CAMK4: variants seen among roughly 807,000 people sequenced by gnomAD.
CAMK4 encodes the protein calcium/calmodulin-dependent protein kinase type IV.
CAMK4 carries 22 observed loss-of-function variants against 44.9 expected under a neutral mutation model. The observed-to-expected ratio is 0.49, with a 90% CI of 0.35 to 0.70. CAMK4 has a LOEUF of 0.70. Ranked by LOEUF, CAMK4 falls within the 30% of genes least tolerant of loss-of-function variation. The pLI is 0.01. For synonymous variants in CAMK4, 218 were observed against 215.4 expected (o/e 1.01, Z -0.11); for missense variants, 498 against 586.8 (o/e 0.85, Z 1.56).
chr5:111,403,825 G>T (rs1266045376), intron 5 of CAMK4, among the ~76,000 whole-genome samples: 2 of 152,098 alleles, frequency 1.3e-5, no homozygotes, highest in African/African-American at 4.8e-5. Flanking sequence ...TAATGATAAT[G>T]ATATCAAAAT....
intron 1 of CAMK4, chr5:111,302,282 C>G (rs1747753941): frequency 6.5e-6 from 1 of 154,248 alleles, no homozygotes; most frequent in African/African-American, 2.4e-5. Flanking sequence ...CTACAGCTCC[C>G]AGCGTGAGCG....
At chr5:111,315,431 A>G (rs528609887) in intron 1 of CAMK4, among the ~76,000 whole-genome samples, 1 of 152,262 alleles carries the variant, frequency 6.6e-6, no homozygotes, top group South Asian at 2.1e-4. Flanking sequence ...TGTCTCCCTG[A>G]TTAGGTTAGT....
At chr5:111,397,135 G>C (rs1752042958) in intron 5 of CAMK4, among the ~76,000 whole-genome samples, 1 of 152,180 alleles carries the variant, frequency 6.6e-6, no homozygotes, top group African/African-American at 2.4e-5. Context: ...CACTTTACCT[G>C]AATCAGTCAG....
intron 1 of CAMK4, among the ~76,000 whole-genome samples, chr5:111,323,649 G>C (rs1476099648): frequency 3.3e-5 from 5 of 151,970 alleles, no homozygotes; most frequent in African/African-American, 1.2e-4. Flanking sequence ...TCCCAGAATT[G>C]TATATCTTGT....
chr5:111,228,103 C>T (rs1296762737), intron 1 of CAMK4, among the ~76,000 whole-genome samples: 2 of 152,154 alleles, frequency 1.3e-5, no homozygotes, highest in African/African-American at 4.8e-5. Flanking sequence ...GTCCTGTTTT[C>T]AGTTGTCTCA....
intron 2 of CAMK4, among the ~76,000 whole-genome samples, chr5:111,351,455 G>C (rs941256297): frequency 6.6e-6 from 1 of 150,980 alleles, no homozygotes; most frequent in Admixed American, 6.6e-5. Context: ...GTACATGCTG[G>C]AGTGTGATGG....
In CAMK4 at chr5:111,493,526, C is replaced by A. The variant is rs1019850280; in HGVS notation, c.*9060C>A. On this transcript the variant is annotated 3_prime_UTR_variant, in exon 11 of 11. Transcript: ENST00000282356. This position sits in a 1 kb window ranked among gnomAD's most constrained non-coding sequence, Gnocchi z 4.1. ...CAGTTATTTGACCTGAATAGGCAAT[C>A]CCCCAGGATTTCTGATTGAATTCTA... 1.3e-5 allele frequency: 2 copies of A among 152,146 alleles called. No homozygotes were observed. The highest frequency in any genetic ancestry group is 2.9e-5 in the Non-Finnish European group (2 of 68,018). The allele number at this position is 152,146 out of a possible 1,614,324, so 9.4% of individuals were successfully genotyped here. A position where few individuals can be genotyped will look rare whatever the true frequency, so the allele number is the denominator to read the frequency against.
At chr5:111,342,764 A>G (rs1749697383) in intron 1 of CAMK4, among the ~76,000 whole-genome samples, 1 of 151,484 alleles carries the variant, frequency 6.6e-6, no homozygotes, top group Non-Finnish European at 1.5e-5. Flanking sequence ...TGATTTTTCT[A>G]TTAAAGAATT....
At chr5:111,464,871 C>A (rs1754767603) in intron 7 of CAMK4, among the ~76,000 whole-genome samples, 1 of 152,152 alleles carries the variant, frequency 6.6e-6, no homozygotes, top group Admixed American at 6.5e-5. Context: ...CACTATGTAT[C>A]TAATGGGTGA....
intron 5 of CAMK4, among the ~76,000 whole-genome samples, chr5:111,403,609 T>A (rs1752309562): frequency 6.6e-6 from 1 of 152,180 alleles, no homozygotes; most frequent in Non-Finnish European, 1.5e-5. Context: ...TCTCTTAATG[T>A]TATAATATTT....
rs982682602 is a variant in CAMK4 at position 111,493,391 on chromosome 5, T to C, written c.*8925T>C. On this transcript the variant is annotated 3_prime_UTR_variant, in exon 11 of 11. Coordinates refer to ENST00000282356, the MANE Select transcript of CAMK4 (RefSeq NM_001744.6). This position sits in a 1 kb window ranked among gnomAD's most constrained non-coding sequence, Gnocchi z 4.1. ...CAGATAATTTCAAGTTTTCCAAGACTCCAATTTCTGAAAAATGTCTCATGA... is the reference window on the plus strand; with the variant it reads ...CAGATAATTTCAAGTTTTCCAAGACCCCAATTTCTGAAAAATGTCTCATGA... The C allele has an allele frequency of 6.6e-6, 1 of 152,150 alleles. No individual in the cohort carries two copies. Among genetic ancestry groups the C allele is most frequent in the African/African-American group, 2.4e-5 (1 of 41,444 alleles). The allele number at this position is 152,150 out of a possible 1,614,324, so 9.4% of individuals were successfully genotyped here. A position where few individuals can be genotyped will look rare whatever the true frequency, so the allele number is the denominator to read the frequency against.
intron 1 of CAMK4, among the ~76,000 whole-genome samples, chr5:111,247,689 G>A (rs1749301455): frequency 6.6e-6 from 1 of 151,958 alleles, no homozygotes; most frequent in Non-Finnish European, 1.5e-5. Context: ...TGCTCCTAAG[G>A]ACTTTCAACT....
intron 8 of CAMK4, among the ~76,000 whole-genome samples, chr5:111,474,218 A>G (rs1755159955): frequency 6.6e-6 from 1 of 152,252 alleles, no homozygotes; most frequent in Non-Finnish European, 1.5e-5. Flanking sequence ...GAAATTTTGA[A>G]GGGTTTGAAA....
At chr5:111,280,490 C>G (rs1750964524) in intron 1 of CAMK4, among the ~76,000 whole-genome samples, 1 of 152,148 alleles carries the variant, frequency 6.6e-6, no homozygotes, top group Admixed American at 6.5e-5. Flanking sequence ...TATGTTGCTG[C>G]TTCTCTATCA....
chr5:111,424,570 G>A (rs867149174), intron 5 of CAMK4, among the ~76,000 whole-genome samples: 2 of 148,234 alleles, frequency 1.3e-5, no homozygotes, highest in Middle Eastern at 7.0e-3. Flanking sequence ...TCAGCCTCGC[G>A]AATAGCTGGG....
intron 1 of CAMK4, among the ~76,000 whole-genome samples, chr5:111,250,865 A>T (rs1050241798): frequency 6.6e-6 from 1 of 151,304 alleles, no homozygotes; most frequent in South Asian, 2.1e-4. Flanking sequence ...GTGGTCTTGA[A>T]CTCCTGGCCT....
At chr5:111,339,317 A>T (rs2112742156) in intron 1 of CAMK4, among the ~76,000 whole-genome samples, 1 of 151,278 alleles carries the variant, frequency 6.6e-6, no homozygotes, top group South Asian at 2.1e-4. Context: ...CCGGTGTTAT[A>T]GAGCTTTCTT....
At chr5:111,411,596 C>T (rs1752633729) in intron 5 of CAMK4, among the ~76,000 whole-genome samples, 1 of 152,182 alleles carries the variant, frequency 6.6e-6, no homozygotes, top group Non-Finnish European at 1.5e-5. Context: ...ACAAGAACTG[C>T]TTCACTGGAA....
At chr5:111,239,604 C>T (rs919308306) in intron 1 of CAMK4, among the ~76,000 whole-genome samples, 2 of 152,298 alleles carry the variant, frequency 1.3e-5, no homozygotes, top group South Asian at 2.1e-4. Context: ...AGTTCGGCCA[C>T]TCATGAAGTG....
Sources: allele counts gnomAD v4.1 joint callset (sites outside exome capture counted in the v4.1 genomes callset), GRCh38; gene constraint gnomAD v4.1.1; non-coding constraint Gnocchi (gnomAD v3.1); transcripts MANE v1.5; gene names NCBI Gene and HGNC (gene_info 2026-07-23, HGNC 2026-07-21).